ZNF138: variants seen among roughly 807,000 people sequenced by gnomAD.
The protein encoded by ZNF138 is zinc finger protein 138, also known as zinc finger protein 138 (clone pHZ-32).
In ZNF138, 33 loss-of-function variants were observed where a neutral mutation model predicts 33.0. The observed-to-expected ratio is 1.00, with a 90% CI of 0.76 to 1.34. The LOEUF (loss-of-function observed/expected upper bound fraction) is 1.34. Among genes scored for constraint, ZNF138 ranks in the 40% most tolerant of loss-of-function variants. The pLI, the probability that ZNF138 is intolerant of heterozygous loss-of-function variation, is 0.00. For synonymous variants in ZNF138, 139 were observed against 120.4 expected (o/e 1.15, Z -1.01); for missense variants, 360 against 370.8 (o/e 0.97, Z 0.24).
intron 1 of ZNF138, among the ~76,000 whole-genome samples, chr7:64,795,130 A>T (rs1264639687): frequency 6.6e-6 from 1 of 152,188 alleles, no homozygotes; most frequent in Non-Finnish European, 1.5e-5. Context: ...GTAGTTTCTT[A>T]ATTTGTACAA....
chr7:64,803,569 A>G (rs1471202312), intron 1 of ZNF138, among the ~76,000 whole-genome samples: 1 of 152,200 alleles, frequency 6.6e-6, no homozygotes, highest in Non-Finnish European at 1.5e-5. Flanking sequence ...CAATTAGCAT[A>G]GTTATGTGTA....
At chr7:64,820,440 A>G (rs1334720682) in intron 3 of ZNF138, among the ~76,000 whole-genome samples, 1 of 151,708 alleles carries the variant, frequency 6.6e-6, no homozygotes, top group Non-Finnish European at 1.5e-5. Context: ...AAGTCAAGGG[A>G]CAGTTGCTTC....
chr7:64,813,007 T>G (rs567106250), intron 1 of ZNF138, among the ~76,000 whole-genome samples: 20 of 152,272 alleles, frequency 1.3e-4, no homozygotes, highest in African/African-American at 4.3e-4. Flanking sequence ...TAAAAATTCT[T>G]ATGATAGTCA....
intron 1 of ZNF138, among the ~76,000 whole-genome samples, chr7:64,808,125 C>T (rs904284756): frequency 6.6e-6 from 1 of 152,164 alleles, no homozygotes; most frequent in South Asian, 2.1e-4. Flanking sequence ...ATCTCTGAGA[C>T]ATTTGAGGAT....
At chr7:64,810,316 G>A (rs1274687142) in intron 1 of ZNF138, among the ~76,000 whole-genome samples, 15 of 146,492 alleles carry the variant, frequency 1.0e-4, no homozygotes, top group Non-Finnish European at 2.3e-4. Context: ...GCGTGGTGGC[G>A]CGAGCCTGCA....
intron 3 of ZNF138, among the ~76,000 whole-genome samples, chr7:64,824,867 CTTT>C (rs57401048): frequency 7.4e-4 from 108 of 146,116 alleles, no homozygotes; most frequent in Non-Finnish European, 6.2e-4. Context: ...TTATGAGTCT[CTTT>C]TTTTTTTTTT....
At chr7:64,821,122 C>G (rs1474179270) in intron 3 of ZNF138, among the ~76,000 whole-genome samples, 1 of 149,478 alleles carries the variant, frequency 6.7e-6, no homozygotes, top group Non-Finnish European at 1.5e-5. Context: ...CGGAGTCTGG[C>G]TCCGTCGCCC....
intron 1 of ZNF138, among the ~76,000 whole-genome samples, chr7:64,794,784 A>G (rs1028353544): frequency 2.6e-5 from 4 of 152,090 alleles, no homozygotes; most frequent in African/African-American, 9.7e-5. Context: ...CTCCCTGCGC[A>G]GTGACTGTGC....
At position 64,825,206 on chromosome 7, in the gene ZNF138, A is replaced by T. The variant is rs1383394591; in HGVS notation, c.209-6245A>T. ...TTTTTTTTTTGAGACGGAGTCTCGC[A>T]CTGTCGCCCAGGCTGGAGTGCAGTG... On this transcript the variant is annotated intron_variant, in intron 3 of 3. Coordinates refer to ENST00000307355, the MANE Select transcript of ZNF138 (RefSeq NM_001271639.2). Among the ~76,000 whole-genome samples, 6 of 104,512 alleles carry T rather than the reference A, an allele frequency of 5.7e-5. No individual in the cohort carries two copies. The South Asian group carries it at 1.7e-3, about 30-fold the overall frequency. The allele number at this position is 104,512 out of a possible 152,430, so 68.6% of individuals were successfully genotyped here.
At position 64,806,037 on chromosome 7, in the gene ZNF138, T is replaced by C. The variant is rs142131327; in HGVS notation, c.4-8881T>C. Reference sequence around the variant, plus strand: ...AATTGTGTAATAAAACAGCTTTCTTTCTGTTCTGTCATTGTGGAGTTATTC... The same window carrying C: ...AATTGTGTAATAAAACAGCTTTCTTCCTGTTCTGTCATTGTGGAGTTATTC... On this transcript the variant is annotated intron_variant, in intron 1 of 3. Coordinates refer to ENST00000307355, the MANE Select transcript of ZNF138 (RefSeq NM_001271639.2). Among the ~76,000 whole-genome samples the C allele has an allele frequency of 3.0e-3, 462 of 152,346 alleles. 1 individual carries two copies. Among genetic ancestry groups the C allele is most frequent in the Non-Finnish European group, 4.4e-3 (299 of 68,028 alleles).
At chr7:64,825,501 ATTTTCT>A (rs1327225629) in intron 3 of ZNF138, among the ~76,000 whole-genome samples, 3 of 143,104 alleles carry the variant, frequency 2.1e-5, no homozygotes, top group Non-Finnish European at 4.6e-5. Context: ...CCACTCGGGC[ATTTTCT>A]TTTTCTTTTT....
chr7:64,812,829 G>T (rs1361390921), intron 1 of ZNF138, among the ~76,000 whole-genome samples: 1 of 138,058 alleles, frequency 7.2e-6, no homozygotes, highest in Non-Finnish European at 1.5e-5. Flanking sequence ...AGAGAAGAAG[G>T]AGAAAGGGGA....
the ZNF138 span, among the ~76,000 whole-genome samples, chr7:64,855,057 T>C: frequency 6.6e-6 from 1 of 152,216 alleles, no homozygotes. Context: ...TCAGTAAGTA[T>C]GTAGCCATGT....
At chr7:64,851,409 CAG>C in the ZNF138 span, among the ~76,000 whole-genome samples, 2 of 152,012 alleles carry the variant, frequency 1.3e-5, no homozygotes, top group African/African-American at 2.4e-5. Flanking sequence ...GTTTTTAACA[CAG>C]ATCACAAAAA....
the ZNF138 span, chr7:64,852,773 A>G: frequency 7.1e-4 from 608 of 854,514 alleles, 4 homozygotes; most frequent in African/African-American, 6.4e-3. Context: ...CAACACCAGC[A>G]CATCCCCTGG....
chr7:64,824,473 T>G (rs1789412967), intron 3 of ZNF138, among the ~76,000 whole-genome samples: 1 of 152,228 alleles, frequency 6.6e-6, no homozygotes, highest in African/African-American at 2.4e-5. Context: ...ATAATTAATA[T>G]AGTCTATAAT....
At chr7:64,834,883 T>C (rs549983483), downstream of ZNF138, among the ~76,000 whole-genome samples, 35 of 152,256 alleles carry the variant, frequency 2.3e-4, no homozygotes, top group African/African-American at 6.5e-4. Context: ...TGTAATAAAA[T>C]GCAGTACAGT....
the ZNF138 span, among the ~76,000 whole-genome samples, chr7:64,840,324 T>C: frequency 0.38 from 57,817 of 152,038 alleles, 12,116 homozygotes; most frequent in Non-Finnish European, 0.48. Flanking sequence ...TTTGATAACA[T>C]AATGGACTAA....
chr7:64,821,644 TC>T (rs1325329628), intron 3 of ZNF138, among the ~76,000 whole-genome samples: 31 of 151,252 alleles, frequency 2.0e-4, no homozygotes, highest in African/African-American at 7.6e-4. Context: ...CCTCCCGGGT[TC>T]AAGTGATTCT....
Sources: allele counts gnomAD v4.1 joint callset (sites outside exome capture counted in the v4.1 genomes callset), GRCh38; gene constraint gnomAD v4.1.1; transcripts MANE v1.5; gene names NCBI Gene and HGNC (gene_info 2026-07-23, HGNC 2026-07-21).